The following ADAM22 variants were observed in gnomAD, a reference collection of about 807,000 sequenced individuals.
The protein encoded by ADAM22 is disintegrin and metalloproteinase domain-containing protein 22.
In ADAM22, 65 loss-of-function variants were observed where a neutral mutation model predicts 144.6. That is an observed-to-expected ratio of 0.45 (90% CI 0.37 to 0.55). ADAM22 has a LOEUF of 0.55. ADAM22 is among the 20% of genes least tolerant of loss of function. ADAM22 has a pLI of 0.00. For synonymous variants in ADAM22, 391 were observed against 412.6 expected (o/e 0.95, Z 0.63); for missense variants, 974 against 1,184.9 (o/e 0.82, Z 2.61).
intron 3 of ADAM22, among the ~76,000 whole-genome samples, chr7:88,013,917 G>A (rs2129460476): frequency 6.6e-6 from 1 of 152,236 alleles, no homozygotes; most frequent in South Asian, 2.1e-4. Context: ...AAATATTCAT[G>A]GAAAGGATAA....
At chr7:88,178,334 A>G (rs1326125626) in intron 26 of ADAM22, among the ~76,000 whole-genome samples, 1 of 152,120 alleles carries the variant, frequency 6.6e-6, no homozygotes, top group Non-Finnish European at 1.5e-5. Context: ...CTGAACAGTT[A>G]TAAAATTACC....
At chr7:88,088,520 A>AAC (rs1387956606) in intron 4 of ADAM22, among the ~76,000 whole-genome samples, 14 of 151,842 alleles carry the variant, frequency 9.2e-5, no homozygotes, top group Non-Finnish European at 1.5e-4. Context: ...GAAAAAAAAA[A>AAC]AAACACTAGT....
chr7:88,009,607 A>AGT (rs3085481), intron 3 of ADAM22, among the ~76,000 whole-genome samples: 71,846 of 151,794 alleles, frequency 0.47, 17,252 homozygotes, highest in East Asian at 0.64. Flanking sequence ...AATAAAAAAA[A>AGT]GTGCATTTAT....
chr7:88,195,682 A>AT (rs1443241608), intron 31 of ADAM22, among the ~76,000 whole-genome samples: 18 of 151,456 alleles, frequency 1.2e-4, no homozygotes, highest in Non-Finnish European at 1.5e-4. Context: ...CGCCCGGCTA[A>AT]TTTTTTTTGT....
rs1389178337 is a variant in ADAM22, at chr7:87,966,737, T to TG, written c.247-11599_247-11598insG. 1.1e-3 allele frequency among the ~76,000 whole-genome samples: 152 copies of TG among 138,576 alleles called. 2 individuals carry two copies. Among genetic ancestry groups the TG allele is most frequent in the African/African-American group, 4.1e-3 (149 of 36,572 alleles). 90.9% of individuals were successfully genotyped at this position (138,576 alleles called of 152,430 possible). Reference sequence around the variant, plus strand: ...AGGAAAGCCGTTTTTTTTTTTTTTTTTTTTTTTTTTTTTTTGTGGCATGTG... The same window carrying TG: ...AGGAAAGCCGTTTTTTTTTTTTTTTTGTTTTTTTTTTTTTTTGTGGCATGTG... On this transcript the variant is annotated intron_variant, in intron 2 of 31. Coordinates refer to ENST00000413139, the MANE Select transcript of ADAM22 (RefSeq NM_001324418.2).
Position 88,198,703 on chromosome 7 carries a change from T to C in ADAM22, c.*2212T>C, listed in dbSNP as rs916444622. On this transcript the variant is annotated 3_prime_UTR_variant, in exon 32 of 32. Coordinates refer to ENST00000413139, the MANE Select transcript of ADAM22 (RefSeq NM_001324418.2). Reference sequence around the variant, plus strand: ...ACTCTAATTTGAAAGAATCCACAAATGGCTAGCTGAGAAGTTAACAGATCT... The same window carrying C: ...ACTCTAATTTGAAAGAATCCACAAACGGCTAGCTGAGAAGTTAACAGATCT... 1.3e-5 allele frequency: 2 copies of C among 152,206 alleles called. No homozygotes were observed. The highest frequency in any genetic ancestry group is 4.8e-5 in the African/African-American group (2 of 41,448). 9.4% of individuals were successfully genotyped at this position (152,206 alleles called of 1,614,324 possible).
In ADAM22 at chr7:88,138,552, C is replaced by T. The variant is rs1216886834; in HGVS notation, c.1220+2521C>T. Among the ~76,000 whole-genome samples, 3 of 152,308 alleles carry T rather than the reference C, an allele frequency of 2.0e-5. No homozygotes were observed. In the East Asian group the frequency reaches 5.8e-4, roughly 29 times the overall value. On this transcript the variant is annotated intron_variant, in intron 14 of 31. Transcript: ENST00000413139. ...TTTGTTCCCATGGGTACGTTCCCTA[C>T]CATTTCTACTTTCTGAAGTTCTGTA...
chr7:88,053,814 G>T (rs957750785), intron 3 of ADAM22, among the ~76,000 whole-genome samples: 2 of 152,194 alleles, frequency 1.3e-5, no homozygotes, highest in Non-Finnish European at 2.9e-5. Context: ...CATTAAGTTT[G>T]TTTACAGTTT....
chr7:87,992,319 A>G (rs1382045008), intron 3 of ADAM22, among the ~76,000 whole-genome samples: 3 of 152,162 alleles, frequency 2.0e-5, no homozygotes, highest in Non-Finnish European at 4.4e-5. Context: ...TGGGAGGCTA[A>G]GATGCTTTGT....
intron 3 of ADAM22, among the ~76,000 whole-genome samples, chr7:87,992,318 A>G (rs188948784): frequency 2.9e-3 from 436 of 152,268 alleles, no homozygotes; most frequent in Non-Finnish European, 4.7e-3. Flanking sequence ...CTGGGAGGCT[A>G]AGATGCTTTG....
intron 3 of ADAM22, among the ~76,000 whole-genome samples, chr7:87,996,161 T>C (rs556578721): frequency 4.6e-5 from 7 of 152,304 alleles, no homozygotes; most frequent in Admixed American, 3.9e-4. Context: ...TTTGTAATCA[T>C]GGGGGCAGGA....
At position 88,148,410 on chromosome 7, in the gene ADAM22, G is replaced by T. The variant is rs181249604; in HGVS notation, c.1486-567G>T. On this transcript the variant is annotated intron_variant, in intron 17 of 31. Coordinates refer to ENST00000413139, the MANE Select transcript of ADAM22 (RefSeq NM_001324418.2). ...CACACTTGCAAGAAGTATTTGAGAT[G>T]ATGGAAAACAGAAAAACAAAAATGC... Among the ~76,000 whole-genome samples the T allele has an allele frequency of 1.5e-4, 23 of 152,100 alleles. No homozygotes were observed. The East Asian group carries it at 4.4e-3, about 29-fold the overall frequency.
At chr7:88,160,829 G>A (rs952741408) in intron 22 of ADAM22, among the ~76,000 whole-genome samples, 1 of 151,980 alleles carries the variant, frequency 6.6e-6, no homozygotes, top group Non-Finnish European at 1.5e-5. Flanking sequence ...CATGGATGAA[G>A]CTGGAAACCA....
intron 5 of ADAM22, among the ~76,000 whole-genome samples, chr7:88,111,711 A>G (rs1385742301): frequency 1.3e-5 from 2 of 152,126 alleles, no homozygotes; most frequent in Non-Finnish European, 2.9e-5. Flanking sequence ...TTTATCAAGT[A>G]TACTGTTATG....
At chr7:88,038,968 G>A (rs10241669) in intron 3 of ADAM22, among the ~76,000 whole-genome samples, 67,000 of 151,204 alleles carry the variant, frequency 0.44, 15,265 homozygotes, top group East Asian at 0.59. Context: ...TTTTGTAGAG[G>A]TTGGTTTTCA....
At position 88,108,330 on chromosome 7, in the gene ADAM22, T is replaced by C. The variant is rs577133842; in HGVS notation, c.473+72T>C. ...TATTTTCTTTATTATGAATGCACTATAGTAGATATCCCTATTTTGTGTCAA... is the reference window on the plus strand; with the variant it reads ...TATTTTCTTTATTATGAATGCACTACAGTAGATATCCCTATTTTGTGTCAA... On this transcript the variant is annotated intron_variant, in intron 5 of 31. Transcript: ENST00000413139. 774 of 1,163,260 alleles carry C rather than the reference T, an allele frequency of 6.7e-4. 1 individual carries two copies. Among genetic ancestry groups the C allele is most frequent in the Non-Finnish European group, 9.1e-4 (733 of 805,128 alleles). The allele number at this position is 1,163,260 out of a possible 1,614,324, so 72.1% of individuals were successfully genotyped here. A position where few individuals can be genotyped will look rare whatever the true frequency, so the allele number is the denominator to read the frequency against.
intron 18 of ADAM22, among the ~76,000 whole-genome samples, chr7:88,149,902 G>C (rs1263717844): frequency 6.6e-6 from 1 of 152,148 alleles, no homozygotes. Flanking sequence ...TTATGATATA[G>C]AGTGAGCATA....
chr7:88,110,490 AG>A (rs1825708744), intron 5 of ADAM22, among the ~76,000 whole-genome samples: 1 of 152,052 alleles, frequency 6.6e-6, no homozygotes, highest in Non-Finnish European at 1.5e-5. Flanking sequence ...GTGCCTTCTA[AG>A]GGCTATAAAT....
At chr7:88,099,169 G>A (rs913191988) in intron 4 of ADAM22, among the ~76,000 whole-genome samples, 13 of 152,182 alleles carry the variant, frequency 8.5e-5, no homozygotes, top group African/African-American at 2.7e-4. Flanking sequence ...TTTAGGGGAA[G>A]ATGGAAAATC....
Sources: gnomAD v4.1 joint callset for allele counts (sites outside exome capture counted in the v4.1 genomes callset) on GRCh38, gnomAD v4.1.1 for gene constraint, MANE v1.5 for transcripts, NCBI Gene and HGNC (gene_info 2026-07-23, HGNC 2026-07-21) for gene names.